The following LYPD1 variants were observed in gnomAD, a reference collection of about 807,000 sequenced individuals.
The protein encoded by LYPD1 is ly6/PLAUR domain-containing protein 1.
LYPD1 carries 14 observed loss-of-function variants against 14.2 expected under a neutral mutation model. The ratio of observed to expected loss-of-function variants is 0.99; its 90% confidence interval spans 0.65 to 1.54. LYPD1 has a LOEUF of 1.54. Ranked by LOEUF, LYPD1 falls within the 40% of genes most tolerant of loss-of-function variation. The probability of loss-of-function intolerance (pLI) is 0.00; values close to 1 mark genes in which losing one functional copy is unlikely to be tolerated. For missense variants in LYPD1, 165 were observed against 175.7 expected (o/e 0.94, Z 0.34); for synonymous variants, 85 against 70.6 (o/e 1.20, Z -1.02).
chr2:132,659,888 A>G (rs1008701586), intron 2 of LYPD1, among the ~76,000 whole-genome samples: 2 of 152,234 alleles, frequency 1.3e-5, no homozygotes, highest in African/African-American at 4.8e-5. Flanking sequence ...GTGGTTTGCT[A>G]CATTTTGCAT....
rs117217905 is a variant in LYPD1 at position 132,657,465 on chromosome 2, A to G, written c.190+10935T>C. Among the ~76,000 whole-genome samples, 787 of 152,332 alleles carry G rather than the reference A, an allele frequency of 5.2e-3. 8 individuals are homozygous for G. Among genetic ancestry groups the G allele is most frequent in the East Asian group, 0.033 (169 of 5,182 alleles). ...TGTTCTCAAATGGTAAGATTAACAC[A>G]GTGGGGCCCAAAGATTCTTAATCAG... On this transcript the variant is annotated intron_variant, in intron 2 of 2. Transcript: ENST00000397463.
In LYPD1 at chr2:132,650,519, GGTAGA is replaced by G. The variant is rs576605000; in HGVS notation, c.191-4244_191-4240del. 4.6e-3 allele frequency among the ~76,000 whole-genome samples: 702 copies of G among 152,160 alleles called. 3 individuals are homozygous for G. Among genetic ancestry groups the G allele is most frequent in the African/African-American group, 0.012 (489 of 41,500 alleles). ...AACGACTATACACAAGGTTATTCAT[GGTAGA>G]GTAGAGTGTCATGGCAAAAGAATAG... On this transcript the variant is annotated intron_variant, in intron 2 of 2. Coordinates refer to ENST00000397463, the MANE Select transcript of LYPD1 (RefSeq NM_144586.7).
In LYPD1 at chr2:132,644,683, T is replaced by TACAA. The variant is rs3043654; in HGVS notation, c.*1358_*1361dup. On this transcript the variant is annotated 3_prime_UTR_variant, in exon 3 of 3. Coordinates refer to ENST00000397463, the MANE Select transcript of LYPD1 (RefSeq NM_144586.7). ...TTCTTTGTGCAGACATCCTTTAAAA[T>TACAA]ACAAACACTGCTTTATCTAATGCAG... 0.45 allele frequency among the ~76,000 whole-genome samples: 68,124 copies of TACAA among 151,764 alleles called. 15,495 individuals are homozygous for TACAA. The highest frequency in any genetic ancestry group is 0.51 in the South Asian group (2,448 of 4,810).
At position 132,645,267 on chromosome 2, in the gene LYPD1, G is replaced by C. The variant is rs752733973; in HGVS notation, c.*778C>G. On this transcript the variant is annotated 3_prime_UTR_variant, in exon 3 of 3. Coordinates refer to ENST00000397463, the MANE Select transcript of LYPD1 (RefSeq NM_144586.7). ...TCTACCTCAGCTCGGTCATCAACCCGCTCCTGTACACGGTGTCCTCGCAGC... is the reference window on the plus strand; with the variant it reads ...TCTACCTCAGCTCGGTCATCAACCCCCTCCTGTACACGGTGTCCTCGCAGC... The C allele has an allele frequency of 6.2e-7, 1 of 1,614,074 alleles. No individual in the cohort carries two copies. The highest frequency in any genetic ancestry group is 1.7e-5 in the Admixed American group (1 of 60,024).
rs188963463 is a variant in LYPD1, at chr2:132,645,384, C to T, written c.*661G>A. The stretch of plus-strand genomic sequence containing the variant: ...AGCGCCTGCGCGTACATGCGCACTC[C>T]ACCACCGACAGCGCCCGCTTTGTGC... On this transcript the variant is annotated 3_prime_UTR_variant, in exon 3 of 3. Transcript: ENST00000397463. 5.6e-6 allele frequency: 9 copies of T among 1,613,750 alleles called. No individual in the cohort carries two copies. Among genetic ancestry groups the T allele is most frequent in the Admixed American group, 1.7e-5 (1 of 60,016 alleles).
At chr2:132,650,827 G>GT (rs1478363333) in intron 2 of LYPD1, among the ~76,000 whole-genome samples, 2 of 151,942 alleles carry the variant, frequency 1.3e-5, no homozygotes, top group Non-Finnish European at 2.9e-5. Context: ...AATCTTTGTA[G>GT]TAACTCTAGC....
chr2:132,670,214 G>A (rs536670206), upstream of LYPD1: 7 of 958,098 alleles, frequency 7.3e-6, no homozygotes, highest in East Asian at 1.6e-4. The surrounding 1 kb of genome is among the most constrained non-coding windows in gnomAD (Gnocchi z 4.5). Context: ...GGAACTACTG[G>A]CGATCGGGAG....
At position 132,656,021 on chromosome 2, in the gene LYPD1, C is replaced by G. The variant is rs570305755; in HGVS notation, c.191-9741G>C. Among the ~76,000 whole-genome samples, 13 of 152,290 alleles carry G rather than the reference C, an allele frequency of 8.5e-5. No homozygotes were observed. In the East Asian group the frequency reaches 2.5e-3, roughly 29 times the overall value. ...TCTCAGAGAGTTTGAAGCTACAATT[C>G]TATTACAAACGACGTGCTACAAGTA... On this transcript the variant is annotated intron_variant, in intron 2 of 2. Coordinates refer to ENST00000397463, the MANE Select transcript of LYPD1 (RefSeq NM_144586.7).
intron 2 of LYPD1, among the ~76,000 whole-genome samples, chr2:132,660,199 C>G (rs986779538): frequency 6.6e-6 from 1 of 152,236 alleles, no homozygotes; most frequent in Non-Finnish European, 1.5e-5. Flanking sequence ...CCGCGTATCA[C>G]AACTTCCTTA....
chr2:132,647,274 A>C (rs922936146), intron 2 of LYPD1, among the ~76,000 whole-genome samples: 5 of 152,230 alleles, frequency 3.3e-5, no homozygotes, highest in African/African-American at 1.2e-4. Context: ...ATGAACAGGA[A>C]GTGGAGCAGC....
At chr2:132,655,240 C>A (rs1300196469) in intron 2 of LYPD1, among the ~76,000 whole-genome samples, 1 of 152,132 alleles carries the variant, frequency 6.6e-6, no homozygotes, top group East Asian at 1.9e-4. Flanking sequence ...CTGGGTCAAC[C>A]AGCCGGTTTG....
chr2:132,667,489 A>G (rs937586897), intron 2 of LYPD1, among the ~76,000 whole-genome samples: 18 of 152,124 alleles, frequency 1.2e-4, no homozygotes, highest in African/African-American at 4.3e-4. Flanking sequence ...TAATCACTTC[A>G]CCGGGCTCTG....
At chr2:132,670,315 A>C (rs570128309), upstream of LYPD1, 1 of 276,066 alleles carries the variant, frequency 3.6e-6, no homozygotes, top group Non-Finnish European at 6.8e-6. The surrounding 1 kb of genome is among the most constrained non-coding windows in gnomAD (Gnocchi z 4.5). Flanking sequence ...CGGGCGGGGA[A>C]GGCTGGGACG....
chr2:132,654,029 C>T (rs765832328), intron 2 of LYPD1, among the ~76,000 whole-genome samples: 1 of 152,042 alleles, frequency 6.6e-6, no homozygotes, highest in African/African-American at 2.4e-5. Context: ...GATCTTGGAA[C>T]AGAAAAAGGC....
At chr2:132,656,228 C>A (rs1682589058) in intron 2 of LYPD1, among the ~76,000 whole-genome samples, 2 of 152,140 alleles carry the variant, frequency 1.3e-5, no homozygotes, top group African/African-American at 4.8e-5. Flanking sequence ...TAAACAGAGC[C>A]TTTAATAGTC....
intron 2 of LYPD1, among the ~76,000 whole-genome samples, chr2:132,650,721 A>C (rs1016660958): frequency 3.8e-5 from 4 of 104,680 alleles, no homozygotes; most frequent in Admixed American, 1.7e-4. Flanking sequence ...CCTTTAAAAA[A>C]AAAAAACAAA....
rs1681947548 is a variant in LYPD1, at chr2:132,644,509, G to T, written c.*1536C>A. 6.6e-6 allele frequency among the ~76,000 whole-genome samples: 1 copy of T among 152,254 alleles called. No individual in the cohort carries two copies. Among genetic ancestry groups the T allele is most frequent in the South Asian group, 2.1e-4 (1 of 4,828 alleles). On this transcript the variant is annotated 3_prime_UTR_variant, in exon 3 of 3. Coordinates refer to ENST00000397463, the MANE Select transcript of LYPD1 (RefSeq NM_144586.7). The stretch of plus-strand genomic sequence containing the variant: ...TCATGATTATAGGTGTGCATACCTA[G>T]TATGTATATGTCCAAAAAACATTCT...
chr2:132,647,210 C>A lies in LYPD1; in HGVS notation c.191-930G>T, dbSNP rs368151572. 1.8e-3 allele frequency among the ~76,000 whole-genome samples: 272 copies of A among 152,318 alleles called. 2 individuals carry two copies. Among genetic ancestry groups the A allele is most frequent in the African/African-American group, 6.4e-3 (266 of 41,576 alleles). The stretch of plus-strand genomic sequence containing the variant: ...CAAGGGAGGCCCTCATGATTACCCC[C>A]ATTTTACAGATGTGAAGCCTCAGGG... On this transcript the variant is annotated intron_variant, in intron 2 of 2. Transcript: ENST00000397463.
At chr2:132,655,021 G>C (rs1668694218) in intron 2 of LYPD1, among the ~76,000 whole-genome samples, 1 of 152,038 alleles carries the variant, frequency 6.6e-6, no homozygotes, top group Admixed American at 6.5e-5. Context: ...CATGAGCCAC[G>C]GAGCCCGGCC....
Sources: allele counts gnomAD v4.1 joint callset (sites outside exome capture counted in the v4.1 genomes callset), GRCh38; gene constraint gnomAD v4.1.1; non-coding constraint Gnocchi (gnomAD v3.1); transcripts MANE v1.5; gene names NCBI Gene and HGNC (gene_info 2026-07-23, HGNC 2026-07-21).